METTL15: variants seen among roughly 807,000 people sequenced by gnomAD.
The protein encoded by METTL15 is methyltransferase 15, mitochondrial 12S rRNA N4-cytidine.
METTL15 carries 34 observed loss-of-function variants against 38.3 expected under a neutral mutation model. The ratio of observed to expected loss-of-function variants is 0.89; its 90% CI spans 0.68 to 1.18. METTL15 has a LOEUF of 1.18. Ranked by LOEUF, METTL15 falls within the 50% of genes most tolerant of loss-of-function variation. The pLI is 0.00. For missense variants in METTL15, 438 were observed against 498.4 expected, an observed-to-expected ratio of 0.88 and a Z score of 1.15; for synonymous variants, 162 against 170.9, an observed-to-expected ratio of 0.95 and a Z score of 0.41.
chr11:28,186,810 A>G (rs1170261964), intron 3 of METTL15, among the ~76,000 whole-genome samples: 1 of 151,130 alleles, frequency 6.6e-6, no homozygotes, highest in Non-Finnish European at 1.5e-5. Flanking sequence ...TAAGTTTAAT[A>G]TATGTTCATA....
intron 5 of METTL15, among the ~76,000 whole-genome samples, chr11:28,407,159 A>AAAT (rs1339194287): frequency 1.1e-4 from 16 of 152,096 alleles, no homozygotes; most frequent in African/African-American, 3.9e-4. Context: ...CTTATACAAA[A>AAAT]AATAACTCAA....
chr11:28,316,615 A>G (rs1443807262), intron 6 of METTL15, among the ~76,000 whole-genome samples: 2 of 152,168 alleles, frequency 1.3e-5, no homozygotes, highest in Non-Finnish European at 2.9e-5. Flanking sequence ...GGGAGGGGCC[A>G]GGGTGGAATG....
intron 6 of METTL15, among the ~76,000 whole-genome samples, chr11:28,301,947 C>A (rs946915342): frequency 6.6e-6 from 1 of 152,040 alleles, no homozygotes; most frequent in Admixed American, 6.6e-5. Flanking sequence ...CTCCTTCTGT[C>A]ACCCAGGCTG....
At chr11:28,124,947 G>T (rs954047877) in intron 3 of METTL15, among the ~76,000 whole-genome samples, 2 of 151,956 alleles carry the variant, frequency 1.3e-5, no homozygotes, top group African/African-American at 4.8e-5. Flanking sequence ...TTTTTTAGTA[G>T]AAAAACTTGA....
intron 3 of METTL15, among the ~76,000 whole-genome samples, chr11:28,174,110 G>T (rs1850962608): frequency 6.6e-6 from 1 of 152,134 alleles, no homozygotes; most frequent in Admixed American, 6.6e-5. Context: ...AAGGAGTAGG[G>T]AGTTACACTG....
At chr11:28,229,050 A>G (rs914312432) in intron 4 of METTL15, among the ~76,000 whole-genome samples, 60 of 152,008 alleles carry the variant, frequency 3.9e-4, no homozygotes, top group African/African-American at 1.4e-3. Context: ...CTGTATTTTT[A>G]TACCTTTAAA....
At position 28,260,543 on chromosome 11, in the gene METTL15, T is replaced by C. The variant is rs180981286; in HGVS notation, c.408-29663T>C. The stretch of plus-strand genomic sequence containing the variant: ...CTTCTTCCCTCTGTTTTCTGGGATA[T>C]GGTAAGTGATCAACAACTATTTGTT... On this transcript the variant is annotated intron_variant, in intron 4 of 6. Transcript: ENST00000407364. 5.3e-5 allele frequency among the ~76,000 whole-genome samples: 8 copies of C among 152,300 alleles called. No homozygotes were observed. In the East Asian group the frequency reaches 5.8e-4, roughly 11 times the overall value.
chr11:28,439,364 T>C (rs1232193940), intron 6 of METTL15, among the ~76,000 whole-genome samples: 2 of 152,216 alleles, frequency 1.3e-5, no homozygotes, highest in African/African-American at 2.4e-5. Context: ...CTCGCTATGC[T>C]GAGCATGTAC....
At chr11:28,464,523 A>G (rs1851241201) in intron 6 of METTL15, among the ~76,000 whole-genome samples, 1 of 152,196 alleles carries the variant, frequency 6.6e-6, no homozygotes, top group African/African-American at 2.4e-5. Context: ...ACCATCTCCA[A>G]TCTAGAAAAT....
chr11:28,200,620 TA>T (rs565590434), intron 3 of METTL15, among the ~76,000 whole-genome samples: 205 of 152,252 alleles, frequency 1.3e-3, no homozygotes, highest in African/African-American at 4.9e-3. Flanking sequence ...TTTTTGTCCT[TA>T]AAAAATTATT....
intron 5 of METTL15, among the ~76,000 whole-genome samples, chr11:28,376,141 C>T (rs1389777247): frequency 6.6e-6 from 1 of 151,514 alleles, no homozygotes; most frequent in Admixed American, 6.6e-5. Context: ...AATGTATATT[C>T]TGTTGATTTG....
intron 4 of METTL15, among the ~76,000 whole-genome samples, chr11:28,262,787 A>T (rs374155011): frequency 1.1e-3 from 164 of 152,150 alleles, no homozygotes; most frequent in African/African-American, 2.2e-3. Context: ...GCACCTTCAT[A>T]TTTCTGGATC....
chr11:28,342,239 C>T (rs191416908), intron 3 of METTL15, among the ~76,000 whole-genome samples: 6 of 152,070 alleles, frequency 3.9e-5, no homozygotes, highest in South Asian at 2.1e-4. Flanking sequence ...ACCCATTCTT[C>T]GATTCTATTT....
chr11:28,244,531 T>G (rs1208725394), intron 4 of METTL15, among the ~76,000 whole-genome samples: 15 of 152,162 alleles, frequency 9.9e-5, no homozygotes, highest in Non-Finnish European at 2.9e-5. Flanking sequence ...AGGCTGTAAC[T>G]CCTGATTTTC....
intron 6 of METTL15, among the ~76,000 whole-genome samples, chr11:28,453,580 C>G (rs180891126): frequency 1.3e-5 from 2 of 152,302 alleles, no homozygotes; most frequent in Admixed American, 1.3e-4. Flanking sequence ...TTCAGTAGAG[C>G]ATGTGTTTCT....
intron 4 of METTL15, among the ~76,000 whole-genome samples, chr11:28,286,296 A>G (rs1419527021): frequency 6.6e-6 from 1 of 152,168 alleles, no homozygotes; most frequent in Non-Finnish European, 1.5e-5. Flanking sequence ...AGTTGATTGT[A>G]GATATTACAC....
intron 5 of METTL15, among the ~76,000 whole-genome samples, chr11:28,364,429 T>G (rs1850167998): frequency 2.0e-5 from 3 of 152,198 alleles, no homozygotes; most frequent in African/African-American, 7.2e-5. Flanking sequence ...AGATATTTCA[T>G]TTTCCTCATA....
At position 28,222,401 on chromosome 11, in the gene METTL15, A is replaced by G. The variant is rs181526127; in HGVS notation, c.407+11203A>G. On this transcript the variant is annotated intron_variant, in intron 4 of 6. Coordinates refer to ENST00000407364, the MANE Select transcript of METTL15 (RefSeq NM_001113528.2). ...TGTGCTGTTTGCTAAGACCGTCAGA[A>G]AAGCGCAGTATTAGGGTGGGAGTAA... Among the ~76,000 whole-genome samples the G allele has an allele frequency of 9.2e-5, 14 of 152,336 alleles. No homozygotes were observed. In the East Asian group the frequency reaches 2.5e-3, roughly 27 times the overall value.
chr11:28,456,468 G>T (rs1295665223), intron 6 of METTL15, among the ~76,000 whole-genome samples: 1 of 151,510 alleles, frequency 6.6e-6, no homozygotes, highest in Non-Finnish European at 1.5e-5. Flanking sequence ...TTGTTTTGAG[G>T]CAGATCTCTG....
Sources: gnomAD v4.1 joint callset for allele counts (sites outside exome capture counted in the v4.1 genomes callset) on GRCh38, gnomAD v4.1.1 for gene constraint, MANE v1.5 for transcripts, NCBI Gene and HGNC (gene_info 2026-07-23, HGNC 2026-07-21) for gene names.